The following SNX6 variants were observed in gnomAD, a reference collection of about 807,000 sequenced individuals.
SNX6 encodes the protein sorting nexin 6, also known as sorting nexin-6.
Under a neutral mutation model 63.0 loss-of-function variants are expected in SNX6, and 34 were observed. The ratio of observed to expected loss-of-function variants is 0.54; its 90% CI spans 0.41 to 0.72. The LOEUF is 0.72. Among genes scored for constraint, SNX6 ranks in the 30% least tolerant of loss-of-function variants. SNX6 has a pLI of 0.00. For missense variants in SNX6, 398 were observed against 471.4 expected, an observed-to-expected ratio of 0.84 and a Z score of 1.44; for synonymous variants, 170 against 164.2, an observed-to-expected ratio of 1.04 and a Z score of -0.27.
chr14:34,605,269 CTCTATT>C (rs1001914402), intron 5 of SNX6, among the ~76,000 whole-genome samples: 2 of 151,686 alleles, frequency 1.3e-5, no homozygotes, highest in African/African-American at 4.8e-5. Context: ...AAGTCATGTT[CTCTATT>C]TCTTTTTCCC....
chr14:34,629,702 G>A (rs1053799690), intron 2 of SNX6: 8 of 843,832 alleles, frequency 9.5e-6, no homozygotes, highest in East Asian at 5.3e-5. Context: ...GAAAGCGGCC[G>A]CGGGTCCCCG....
intron 11 of SNX6, among the ~76,000 whole-genome samples, chr14:34,570,524 C>T (rs747840028): frequency 2.7e-4 from 41 of 151,596 alleles, no homozygotes; most frequent in Non-Finnish European, 5.3e-4. Flanking sequence ...CAGATTCAAG[C>T]AATTCTCCAC....
intron 11 of SNX6, chr14:34,568,694 G>A: frequency 1.1e-6 from 1 of 928,112 alleles, no homozygotes; most frequent in Non-Finnish European, 1.8e-6. Context: ...TTGTTCTAAT[G>A]CTTCTTGTTG....
intron 2 of SNX6, among the ~76,000 whole-genome samples, chr14:34,625,190 T>C (rs1032112531): frequency 2.0e-5 from 3 of 152,102 alleles, no homozygotes; most frequent in African/African-American, 4.8e-5. Flanking sequence ...GTTGGGATTA[T>C]AGGAGTGAGC....
chr14:34,611,483 A>G (rs1046067324), intron 2 of SNX6, among the ~76,000 whole-genome samples: 41 of 144,674 alleles, frequency 2.8e-4, no homozygotes, highest in Admixed American at 5.5e-4. Context: ...TCTCAAAAAG[A>G]AAAAAAAAAA....
intron 2 of SNX6, among the ~76,000 whole-genome samples, chr14:34,622,815 CTGT>C (rs902984891): frequency 3.9e-5 from 6 of 152,158 alleles, no homozygotes; most frequent in Non-Finnish European, 8.8e-5. Flanking sequence ...CTCCTACCGG[CTGT>C]ATGACCTTGG....
In SNX6 at chr14:34,593,087, C is replaced by T; in HGVS notation, c.676G>A (p.Asp226Asn). The T allele has an allele frequency of 1.2e-6, 2 of 1,609,522 alleles. No individual in the cohort carries two copies. Among genetic ancestry groups the T allele is most frequent in the Non-Finnish European group, 1.7e-6 (2 of 1,178,746 alleles). Residue 226 changes from aspartate (D) to asparagine (N), a missense_variant, in exon 8 of 14, where the codon GAT (aspartate) becomes AAT (asparagine). Asp to Asn is a conservative substitution (Grantham distance 23). Coordinates refer to ENST00000362031, the MANE Select transcript of SNX6 (RefSeq NM_152233.4). ...ATTCTATCAGATTTAGCAGATGCAT[C>T]CTTAACTCGGTTATGATACTCCAAA... is the stretch of plus-strand genomic sequence containing the variant. ...FLLEYHNRVK[D>N]ASAKSDRMTR...
intron 11 of SNX6, chr14:34,575,464 T>G: frequency 6.1e-6 from 1 of 163,776 alleles, no homozygotes. Context: ...CCTCCCCAAG[T>G]GTTGGGATTA....
chr14:34,626,312 T>C (rs1883821226), intron 2 of SNX6, among the ~76,000 whole-genome samples: 1 of 152,004 alleles, frequency 6.6e-6, no homozygotes, highest in Non-Finnish European at 1.5e-5. Context: ...AACATCACAG[T>C]CAGGAGTGCT....
chr14:34,628,099 G>C (rs1291906034), intron 2 of SNX6, among the ~76,000 whole-genome samples: 5 of 152,034 alleles, frequency 3.3e-5, no homozygotes, highest in Admixed American at 6.6e-5. Context: ...GCCTATAATC[G>C]CAGGAGGATC....
chr14:34,583,066 G>A (rs531900041), intron 9 of SNX6, among the ~76,000 whole-genome samples: 27 of 152,154 alleles, frequency 1.8e-4, no homozygotes, highest in African/African-American at 6.5e-4. Context: ...CAGCACTTTG[G>A]GAGGCCGAGG....
intron 2 of SNX6, among the ~76,000 whole-genome samples, chr14:34,622,871 A>C (rs1883678632): frequency 6.6e-6 from 1 of 152,214 alleles, no homozygotes; most frequent in Non-Finnish European, 1.5e-5. Flanking sequence ...TCCTTTCCCA[A>C]ATAGGAATAA....
At chr14:34,601,067 A>G (rs1217646114) in intron 6 of SNX6, among the ~76,000 whole-genome samples, 2 of 152,136 alleles carry the variant, frequency 1.3e-5, no homozygotes, top group East Asian at 1.9e-4. Context: ...AGGAGTGATC[A>G]GCACCAATGG....
At chr14:34,601,038 G>C (rs548572410) in intron 6 of SNX6, among the ~76,000 whole-genome samples, 5 of 151,610 alleles carry the variant, frequency 3.3e-5, no homozygotes, top group Non-Finnish European at 7.4e-5. Flanking sequence ...AGAGTTTTTA[G>C]GCAGGGAAGG....
intron 9 of SNX6, among the ~76,000 whole-genome samples, chr14:34,585,978 C>CGG (rs1882135596): frequency 6.6e-6 from 1 of 151,992 alleles, no homozygotes; most frequent in East Asian, 1.9e-4. Context: ...AATCTCAGCT[C>CGG]ACTGCAACCT....
intron 2 of SNX6, among the ~76,000 whole-genome samples, chr14:34,626,205 G>C (rs1883817604): frequency 6.6e-6 from 1 of 152,062 alleles, no homozygotes; most frequent in African/African-American, 2.4e-5. Context: ...GGAAGAACTG[G>C]GTAAGTGTAT....
At chr14:34,613,907 G>A (rs1883325730) in intron 2 of SNX6, among the ~76,000 whole-genome samples, 1 of 151,928 alleles carries the variant, frequency 6.6e-6, no homozygotes, top group Non-Finnish European at 1.5e-5. Flanking sequence ...AGGAGTTCAA[G>A]ACCAATGTGG....
At chr14:34,570,971 C>T (rs898232118) in intron 11 of SNX6, among the ~76,000 whole-genome samples, 1 of 151,312 alleles carries the variant, frequency 6.6e-6, no homozygotes, top group South Asian at 2.1e-4. Flanking sequence ...GATCCGGCCC[C>T]CTTGGCTTCC....
intron 2 of SNX6, among the ~76,000 whole-genome samples, chr14:34,623,501 T>C (rs1339067935): frequency 6.6e-6 from 1 of 152,206 alleles, no homozygotes; most frequent in African/African-American, 2.4e-5. Context: ...TTAATCATTT[T>C]AGTAATATAA....
Sources: allele counts gnomAD v4.1 joint callset (sites outside exome capture counted in the v4.1 genomes callset), GRCh38; gene constraint gnomAD v4.1.1; transcripts MANE v1.5; gene names NCBI Gene and HGNC (gene_info 2026-07-23, HGNC 2026-07-21).